Variants in XKR9 observed in about 807,000 individuals in gnomAD.
XKR9 encodes the protein XK related 9, also known as XK-related protein 9.
A neutral mutation model predicts 32.0 loss-of-function variants in XKR9; 32 were observed. The ratio of observed to expected loss-of-function variants is 1.00; its 90% CI spans 0.76 to 1.34. The LOEUF is 1.34. XKR9 is among the 40% of genes most tolerant of loss of function. The pLI, the probability that XKR9 is intolerant of heterozygous loss-of-function variation, is 0.00. For synonymous variants in XKR9, 168 were observed against 143.4 expected (o/e 1.17, Z -1.22); for missense variants, 546 against 429.7 (o/e 1.27, Z -2.39).
chr8:70,873,440 A>G, the XKR9 span, among the ~76,000 whole-genome samples: 57 of 152,346 alleles, frequency 3.7e-4, no homozygotes, highest in African/African-American at 7.0e-4. Flanking sequence ...AACATTTGTG[A>G]TACATGAGAG....
At chr8:70,783,315 C>T (rs976131768) in intron 2 of XKR9, among the ~76,000 whole-genome samples, 2 of 151,966 alleles carry the variant, frequency 1.3e-5, no homozygotes, top group African/African-American at 4.8e-5. Context: ...CAAGCTCTGC[C>T]TCCTGGGTTC....
chr8:70,867,032 G>A, the XKR9 span, among the ~76,000 whole-genome samples: 1 of 152,112 alleles, frequency 6.6e-6, no homozygotes, highest in South Asian at 2.1e-4. Flanking sequence ...TCACGCTGCT[G>A]ATAAAGACAT....
At chr8:70,900,595 TA>T in the XKR9 span, among the ~76,000 whole-genome samples, 562 of 150,562 alleles carry the variant, frequency 3.7e-3, 3 homozygotes, top group African/African-American at 0.013. Flanking sequence ...TCTAAAAAAT[TA>T]AATGAATAAA....
intron 4 of XKR9, among the ~76,000 whole-genome samples, chr8:70,712,971 A>G (rs1805969488): frequency 6.6e-6 from 1 of 152,206 alleles, no homozygotes; most frequent in African/African-American, 2.4e-5. Context: ...GAAATAGGAA[A>G]AAAAATCAGT....
chr8:70,970,779 G>A, the XKR9 span, among the ~76,000 whole-genome samples: 1 of 152,142 alleles, frequency 6.6e-6, no homozygotes, highest in African/African-American at 2.4e-5. Context: ...AGTTAGAATG[G>A]CGATCATTAA....
the XKR9 span, among the ~76,000 whole-genome samples, chr8:70,860,237 G>T: frequency 2.6e-5 from 4 of 152,092 alleles, no homozygotes; most frequent in Admixed American, 6.6e-5. Context: ...TGGGGCCTTT[G>T]AGAGGTAATT....
chr8:70,848,747 C>T, the XKR9 span, among the ~76,000 whole-genome samples: 3 of 138,802 alleles, frequency 2.2e-5, no homozygotes, highest in Non-Finnish European at 4.6e-5. Context: ...GGAAGATTTA[C>T]CAGGCAAATG....
intron 3 of XKR9, among the ~76,000 whole-genome samples, chr8:70,705,855 A>T (rs1805700465): frequency 1.3e-5 from 2 of 152,168 alleles, no homozygotes; most frequent in African/African-American, 4.8e-5. Context: ...GAAAGAATCC[A>T]GGCCAGAGAG....
chr8:70,941,334 G>A, the XKR9 span, among the ~76,000 whole-genome samples: 6 of 151,928 alleles, frequency 3.9e-5, no homozygotes, highest in Admixed American at 2.6e-4. Context: ...ATATTCCATT[G>A]CAGGTGCATA....
At chr8:70,868,252 C>T in the XKR9 span, among the ~76,000 whole-genome samples, 1 of 152,104 alleles carries the variant, frequency 6.6e-6, no homozygotes, top group African/African-American at 2.4e-5. Flanking sequence ...CTAGGTGGTT[C>T]CCCAGTTGGG....
At chr8:70,977,469 A>G in the XKR9 span, among the ~76,000 whole-genome samples, 1 of 151,816 alleles carries the variant, frequency 6.6e-6, no homozygotes, top group Non-Finnish European at 1.5e-5. Context: ...ATGGTTTCAA[A>G]GAAAATGTTT....
the XKR9 span, among the ~76,000 whole-genome samples, chr8:70,903,726 A>G: frequency 6.6e-6 from 1 of 151,850 alleles, no homozygotes; most frequent in Admixed American, 6.6e-5. Context: ...TTTAATTGTG[A>G]TGTTAAGGTT....
chr8:70,905,314 C>G, the XKR9 span, among the ~76,000 whole-genome samples: 6 of 152,108 alleles, frequency 3.9e-5, no homozygotes, highest in African/African-American at 1.4e-4. Flanking sequence ...AGGCTTTGTT[C>G]GTTTCTTTTT....
downstream of XKR9, among the ~76,000 whole-genome samples, chr8:70,740,763 G>C (rs180705532): frequency 1.3e-5 from 2 of 152,200 alleles, no homozygotes; most frequent in Non-Finnish European, 2.9e-5. Context: ...TTCTAGCAGC[G>C]GTGGCTGCAG....
the XKR9 span, among the ~76,000 whole-genome samples, chr8:70,900,582 C>CT: frequency 6.6e-6 from 1 of 151,686 alleles, no homozygotes; most frequent in African/African-American, 2.4e-5. Context: ...GAGTGAGACT[C>CT]TGTCTAAAAA....
At chr8:70,809,407 C>G in the XKR9 span, among the ~76,000 whole-genome samples, 4 of 152,186 alleles carry the variant, frequency 2.6e-5, no homozygotes, top group Non-Finnish European at 5.9e-5. Flanking sequence ...TCCAAAGGAA[C>G]GCAGCTCCTC....
the XKR9 span, among the ~76,000 whole-genome samples, chr8:70,861,388 C>T: frequency 8.0e-4 from 122 of 151,890 alleles, no homozygotes; most frequent in Non-Finnish European, 1.4e-3. Context: ...TGGTGGCTCA[C>T]GCTTGTAATC....
chr8:70,790,895 C>T (rs536545766), downstream of XKR9, among the ~76,000 whole-genome samples: 1 of 152,074 alleles, frequency 6.6e-6, no homozygotes, highest in Non-Finnish European at 1.5e-5. Context: ...GTCCTGCTTC[C>T]TTATAAATGG....
chr8:70,946,158 A>T, the XKR9 span, among the ~76,000 whole-genome samples: 1 of 152,048 alleles, frequency 6.6e-6, no homozygotes, highest in Admixed American at 6.6e-5. Flanking sequence ...AAAAACAGAC[A>T]TGCTATTTTA....
Sources: allele counts gnomAD v4.1 joint callset (sites outside exome capture counted in the v4.1 genomes callset), GRCh38; gene constraint gnomAD v4.1.1; transcripts MANE v1.5; gene names NCBI Gene and HGNC (gene_info 2026-07-23, HGNC 2026-07-21).